Variants in DNMBP observed in about 807,000 individuals in gnomAD.
The protein encoded by DNMBP is dynamin binding protein.
A neutral mutation model predicts 150.0 loss-of-function variants in DNMBP; 87 were observed. That is an observed-to-expected ratio of 0.58 (90% confidence interval 0.49 to 0.69). DNMBP has a LOEUF of 0.69. Among genes scored for constraint, DNMBP ranks in the 30% least tolerant of loss-of-function variants. The pLI, the probability that DNMBP is intolerant of heterozygous loss-of-function variation, is 0.00. For missense variants in DNMBP, 1,774 were observed against 1,949.0 expected, an observed-to-expected ratio of 0.91 and a Z score of 1.69; for synonymous variants, 711 against 750.4, an observed-to-expected ratio of 0.95 and a Z score of 0.86.
chr10:99,981,731 G>C lies in DNMBP; in HGVS notation c.-10-9597C>G, dbSNP rs931374185. 4.3e-4 allele frequency among the ~76,000 whole-genome samples: 65 copies of C among 152,240 alleles called. 2 individuals are homozygous for C. The highest frequency in any genetic ancestry group is 1.6e-3 in the African/African-American group (65 of 41,552). ...AGGCTGGCCCACCAGAACTGAACAA[G>C]GCCTCCCCCATCTCTGGCTTTCAGT... On this transcript the variant is annotated intron_variant, in intron 1 of 16. Transcript: ENST00000324109.
At chr10:99,899,725 C>A in intron 7 of DNMBP, 194 bp downstream of exon 7, 1 of 661,184 alleles carries the variant, frequency 1.5e-6, no homozygotes, top group Non-Finnish European at 2.6e-6. Flanking sequence ...AACCTGATAA[C>A]GCTAACCTAA....
At chr10:99,948,770 C>T (rs1236609366) in intron 4 of DNMBP, among the ~76,000 whole-genome samples, 5 of 152,142 alleles carry the variant, frequency 3.3e-5, no homozygotes, top group African/African-American at 1.2e-4. Context: ...CGAGACCAGG[C>T]TGACCAACAT....
intron 4 of DNMBP, among the ~76,000 whole-genome samples, chr10:99,954,347 A>T (rs1479156574): frequency 6.6e-6 from 1 of 151,846 alleles, no homozygotes; most frequent in Non-Finnish European, 1.5e-5. Context: ...AAGGTTTGAG[A>T]TTCTTTATCT....
At chr10:99,962,630 C>CA (rs575912102) in intron 3 of DNMBP, among the ~76,000 whole-genome samples, 16,879 of 143,020 alleles carry the variant, frequency 0.12, 1,200 homozygotes, top group African/African-American at 0.2. Context: ...GACTCCGTCT[C>CA]AAAAAAAAAA....
At chr10:99,900,816 A>C (rs530529905) in intron 6 of DNMBP, among the ~76,000 whole-genome samples, 1 of 152,176 alleles carries the variant, frequency 6.6e-6, no homozygotes, top group Non-Finnish European at 1.5e-5. Flanking sequence ...TTTTTAGTAG[A>C]GACGGAGTTC....
intron 1 of DNMBP, among the ~76,000 whole-genome samples, chr10:100,003,994 G>A (rs1200968421): frequency 6.6e-6 from 1 of 151,878 alleles, no homozygotes; most frequent in African/African-American, 2.4e-5. Context: ...CACTTTGGGA[G>A]GCCAAGGCAG....
At chr10:99,929,213 G>GAAAAAAAA (rs2040117266) in intron 4 of DNMBP, among the ~76,000 whole-genome samples, 1 of 149,856 alleles carries the variant, frequency 6.7e-6, no homozygotes, top group Non-Finnish European at 1.5e-5. Context: ...TGTAGAGACT[G>GAAAAAAAA]AGAGAAAAAA....
At position 99,883,985 on chromosome 10, in the gene DNMBP, A is replaced by G. The variant is rs974248899; in HGVS notation, c.3997+26T>C. On this transcript the variant is annotated intron_variant, in intron 15 of 16. Transcript: ENST00000324109. Reference sequence around the variant, plus strand: ...ACTACTATTTTTTTTTTCCAGTTACAGTCCTCTGCTGCTTAAAATTCTTAC... The same window carrying G: ...ACTACTATTTTTTTTTTCCAGTTACGGTCCTCTGCTGCTTAAAATTCTTAC... 5 of 1,599,774 alleles carry G rather than the reference A, an allele frequency of 3.1e-6. No homozygotes were observed. In the African/African-American group the frequency reaches 5.4e-5, roughly 17 times the overall value.
chr10:99,936,934 TG>T (rs1356144476), intron 4 of DNMBP, among the ~76,000 whole-genome samples: 1 of 152,138 alleles, frequency 6.6e-6, no homozygotes, highest in Non-Finnish European at 1.5e-5. Context: ...AGTGTTACTC[TG>T]TCACCCAGGC....
Position 99,964,076 on chromosome 10 carries a change from T to C in DNMBP, c.268+5039A>G, listed in dbSNP as rs555801158. On this transcript the variant is annotated intron_variant, in intron 3 of 16. Transcript: ENST00000324109. ...ATTATTAGTGATATTTTATCACTTG[T>C]CATAATATGCACTAACTTGTTTCTC... Among the ~76,000 whole-genome samples, 127 of 152,090 alleles carry C rather than the reference T, an allele frequency of 8.4e-4. 1 individual carries two copies. The highest frequency in any genetic ancestry group is 1.5e-3 in the Admixed American group (23 of 15,276).
At chr10:99,949,264 C>T (rs1426434176) in intron 4 of DNMBP, among the ~76,000 whole-genome samples, 2 of 152,174 alleles carry the variant, frequency 1.3e-5, no homozygotes, top group African/African-American at 4.8e-5. Context: ...TATAGAACAT[C>T]ATACCAGGTG....
Position 99,945,725 on chromosome 10 carries a change from T to C in DNMBP, c.2260+9489A>G, listed in dbSNP as rs546573610. On this transcript the variant is annotated intron_variant, in intron 4 of 16. Transcript: ENST00000324109. ...TTTCCACTGCTTAATATTTGCTATA[T>C]AGTTCTTTATAAATGTTTTAACAGA... Among the ~76,000 whole-genome samples the C allele has an allele frequency of 4.3e-4, 65 of 152,358 alleles. 2 individuals carry two copies. Among genetic ancestry groups the C allele is most frequent in the African/African-American group, 1.6e-3 (65 of 41,576 alleles).
intron 12 of DNMBP, among the ~76,000 whole-genome samples, chr10:99,888,303 TG>T (rs1357550250): frequency 1.3e-5 from 2 of 151,968 alleles, no homozygotes; most frequent in Non-Finnish European, 2.9e-5. Flanking sequence ...CTCCTCCTCC[TG>T]GGTTCAAGCT....
intron 10 of DNMBP, among the ~76,000 whole-genome samples, chr10:99,895,763 C>T (rs1564721942): frequency 6.6e-6 from 1 of 152,192 alleles, no homozygotes; most frequent in Non-Finnish European, 1.5e-5. Flanking sequence ...TAAAATACTA[C>T]AGCATTTGGA....
At chr10:99,977,668 G>A (rs2040742173) in intron 1 of DNMBP, among the ~76,000 whole-genome samples, 1 of 152,126 alleles carries the variant, frequency 6.6e-6, no homozygotes, top group Non-Finnish European at 1.5e-5. Context: ...TCATTCACTG[G>A]TCTACAGCAG....
At chr10:99,997,363 C>T (rs2040960888) in intron 1 of DNMBP, among the ~76,000 whole-genome samples, 1 of 152,150 alleles carries the variant, frequency 6.6e-6, no homozygotes, top group Non-Finnish European at 1.5e-5. Flanking sequence ...CTAGAGATGG[C>T]CTGCTGTTGA....
chr10:99,962,621 A>C, intron 3 of DNMBP, among the ~76,000 whole-genome samples: 1 of 150,238 alleles, frequency 6.7e-6, no homozygotes, highest in African/African-American at 2.5e-5. Context: ...ATAGAGCGAG[A>C]CTCCGTCTCA....
intron 6 of DNMBP, among the ~76,000 whole-genome samples, chr10:99,900,830 T>C (rs2039728250): frequency 6.6e-6 from 1 of 152,192 alleles, no homozygotes; most frequent in Non-Finnish European, 1.5e-5. Flanking sequence ...GGAGTTCTTC[T>C]ACAGCAGCAG....
chr10:99,908,189 T>C (rs2039850500), intron 5 of DNMBP, 95 bp from the exon 6 acceptor site: 5 of 880,632 alleles, frequency 5.7e-6, no homozygotes, highest in African/African-American at 3.4e-5. Flanking sequence ...TGTAGAAAAA[T>C]TGCTCAAGGT....
Sources: gnomAD v4.1 joint callset for allele counts (sites outside exome capture counted in the v4.1 genomes callset) on GRCh38, gnomAD v4.1.1 for gene constraint, MANE v1.5 for transcripts, NCBI Gene and HGNC (gene_info 2026-07-23, HGNC 2026-07-21) for gene names.